The following PRIM2 variants were observed in gnomAD, a reference collection of about 807,000 sequenced individuals.
PRIM2 encodes DNA primase subunit 2.
A neutral mutation model predicts 67.3 loss-of-function variants in PRIM2; 39 were observed. The ratio of observed to expected loss-of-function variants is 0.58; its 90% CI spans 0.45 to 0.76. PRIM2 has a LOEUF of 0.76. Among genes scored for constraint, PRIM2 ranks in the 30% least tolerant of loss-of-function variants. The probability of loss-of-function intolerance (pLI) is 0.00; values close to 1 mark genes in which losing one functional copy is unlikely to be tolerated. For synonymous variants in PRIM2, 143 were observed against 198.7 expected (o/e 0.72, Z 2.36); for missense variants, 398 against 598.7 (o/e 0.66, Z 3.50).
chr6:57,282,916 C>T, the PRIM2 span, among the ~76,000 whole-genome samples: 7 of 152,162 alleles, frequency 4.6e-5, no homozygotes, highest in African/African-American at 1.4e-4. Context: ...AGCTGACTTT[C>T]CCAATACACC....
rs1413618074 is a variant in PRIM2, at chr6:57,560,143, T to C, written c.1020+22518T>C. Among the ~76,000 whole-genome samples, 7 of 152,342 alleles carry C rather than the reference T, an allele frequency of 4.6e-5. No homozygotes were observed. In the East Asian group the frequency reaches 1.4e-3, roughly 29 times the overall value. ...ACCCTGATGCTGTTTATAAGTTAAG[T>C]GTATGTAATAACCTAAATCTTTTGT... On this transcript the variant is annotated intron_variant, in intron 10 of 13. Coordinates refer to ENST00000615550, the MANE Select transcript of PRIM2 (RefSeq NM_000947.5).
intron 7 of PRIM2, among the ~76,000 whole-genome samples, chr6:57,484,644 G>T (rs1773712230): frequency 6.6e-6 from 1 of 152,114 alleles, no homozygotes; most frequent in African/African-American, 2.4e-5. Context: ...CCTTCACTAT[G>T]GACCATTCCT....
At chr6:57,466,989 C>T (rs1773214483) in intron 7 of PRIM2, among the ~76,000 whole-genome samples, 1 of 151,896 alleles carries the variant, frequency 6.6e-6, no homozygotes, top group South Asian at 2.1e-4. Flanking sequence ...CATGGTGGCA[C>T]ACCCGTATAA....
chr6:57,382,121 G>T lies in PRIM2; in HGVS notation c.646G>T (p.Ala216Ser). 6.2e-7 allele frequency: 1 copy of T among 1,613,210 alleles called. No individual in the cohort carries two copies. Among genetic ancestry groups the T allele is most frequent in the Non-Finnish European group, 8.5e-7 (1 of 1,179,494 alleles). The change falls in exon 7 of 14, where the codon GCA (alanine) becomes TCA (serine). Residue 216 changes from alanine to serine, a missense_variant. By Grantham distance (99) the Ala-to-Ser change is moderately conservative. Coordinates refer to ENST00000615550, the MANE Select transcript of PRIM2 (RefSeq NM_000947.5). Reference protein sequence around the residue: ...FAYVPLKDIVAIILNEFRAKL... With the variant: ...FAYVPLKDIVSIILNEFRAKL... ...TTACGTACCACTTAAGGACATTGTG[G>T]CAATCATCCTGAATGAATTTAGAGC...
chr6:57,523,448 A>G (rs1296968169), intron 8 of PRIM2, among the ~76,000 whole-genome samples: 1 of 152,264 alleles, frequency 6.6e-6, no homozygotes, highest in African/African-American at 2.4e-5. Flanking sequence ...GAAATTATAC[A>G]GATGAAGAGA....
chr6:57,322,713 G>A (rs1211406806), intron 3 of PRIM2, among the ~76,000 whole-genome samples: 1 of 152,126 alleles, frequency 6.6e-6, no homozygotes, highest in African/African-American at 2.4e-5. Flanking sequence ...TTAGCAGCAT[G>A]AGAATGGACT....
intron 7 of PRIM2, among the ~76,000 whole-genome samples, chr6:57,396,994 C>T (rs1177159519): frequency 3.3e-5 from 5 of 152,166 alleles, no homozygotes; most frequent in Admixed American, 3.3e-4. Flanking sequence ...AAGACAGGGT[C>T]CCAATCCCTT....
chr6:57,526,415 T>C (rs1324712185), intron 8 of PRIM2, among the ~76,000 whole-genome samples: 1 of 152,230 alleles, frequency 6.6e-6, no homozygotes, highest in Non-Finnish European at 1.5e-5. Context: ...TAGCTTGCCT[T>C]GTCTTTTTCC....
In PRIM2 at chr6:57,541,973, GTTT is replaced by G. The variant is rs1161553496; in HGVS notation, c.1020+4366_1020+4368del. Among the ~76,000 whole-genome samples, 279 of 114,724 alleles carry G rather than the reference GTTT, an allele frequency of 2.4e-3. 3 individuals carry two copies. Among genetic ancestry groups the G allele is most frequent in the East Asian group, 0.022 (85 of 3,920 alleles). 75.3% of individuals were successfully genotyped at this position (114,724 alleles called of 152,430 possible). ...AGAGCTGGGTGGTTGTTGTGTTTTG[GTTT>G]TTTTTTTTTTTTTTTTTGAGACAGA... On this transcript the variant is annotated intron_variant, in intron 10 of 13. Coordinates refer to ENST00000615550, the MANE Select transcript of PRIM2 (RefSeq NM_000947.5).
the PRIM2 span, among the ~76,000 whole-genome samples, chr6:57,230,683 C>T: frequency 6.6e-6 from 1 of 152,166 alleles, no homozygotes; most frequent in Admixed American, 6.5e-5. Context: ...TCCATAGTTG[C>T]ACAAGACTTG....
intron 8 of PRIM2, 48 bp downstream of exon 8, chr6:57,507,502 A>G (rs1774274304): frequency 6.8e-7 from 1 of 1,460,574 alleles, no homozygotes; most frequent in Non-Finnish European, 9.2e-7. Flanking sequence ...CAAGTGCAGT[A>G]AAGTGAATAA....
At chr6:57,539,938 G>A (rs1775110951) in intron 10 of PRIM2, among the ~76,000 whole-genome samples, 1 of 151,470 alleles carries the variant, frequency 6.6e-6, no homozygotes, top group Admixed American at 6.6e-5. Flanking sequence ...AGGTTGCAGT[G>A]AGCTGAGATC....
the PRIM2 span, among the ~76,000 whole-genome samples, chr6:57,234,397 G>T: frequency 6.6e-6 from 1 of 152,172 alleles, no homozygotes; most frequent in South Asian, 2.1e-4. Flanking sequence ...ATTCTCCAGC[G>T]TGTGAGATAT....
At chr6:57,248,092 T>G in the PRIM2 span, among the ~76,000 whole-genome samples, 2 of 152,208 alleles carry the variant, frequency 1.3e-5, no homozygotes, top group Middle Eastern at 3.2e-3. Flanking sequence ...ACATGTTACA[T>G]AGTCATGTGG....
intron 7 of PRIM2, among the ~76,000 whole-genome samples, chr6:57,447,464 A>G (rs993696078): frequency 6.6e-6 from 1 of 152,250 alleles, no homozygotes; most frequent in Admixed American, 6.5e-5. Context: ...CTATTCCTGA[A>G]GACGAGCCAA....
intron 7 of PRIM2, among the ~76,000 whole-genome samples, chr6:57,479,747 G>A (rs1773569535): frequency 6.6e-6 from 1 of 152,194 alleles, no homozygotes; most frequent in African/African-American, 2.4e-5. Context: ...TTTTAAGAGT[G>A]TGTATGTGTT....
At chr6:57,302,941 G>T in the PRIM2 span, among the ~76,000 whole-genome samples, 4 of 152,042 alleles carry the variant, frequency 2.6e-5, no homozygotes, top group Admixed American at 6.5e-5. Flanking sequence ...CCTATTTTAG[G>T]AATAGACTTG....
intron 10 of PRIM2, among the ~76,000 whole-genome samples, chr6:57,578,157 G>A (rs1390345321): frequency 6.6e-6 from 1 of 152,082 alleles, no homozygotes; most frequent in Non-Finnish European, 1.5e-5. Flanking sequence ...GCTTCTCATC[G>A]TATCCCTCTA....
At chr6:57,294,001 A>G in the PRIM2 span, among the ~76,000 whole-genome samples, 1 of 152,216 alleles carries the variant, frequency 6.6e-6, no homozygotes, top group African/African-American at 2.4e-5. Flanking sequence ...CTTGCAATGT[A>G]GTTTGTGATA....
Sources: allele counts gnomAD v4.1 joint callset (sites outside exome capture counted in the v4.1 genomes callset), GRCh38; gene constraint gnomAD v4.1.1; transcripts MANE v1.5; gene names NCBI Gene and HGNC (gene_info 2026-07-23, HGNC 2026-07-21).